STX11: variants seen among roughly 807,000 people sequenced by gnomAD.
STX11 encodes the protein syntaxin 11, also known as syntaxin-11.
STX11 carries 21 observed loss-of-function variants against 19.9 expected under a neutral mutation model. The ratio of observed to expected loss-of-function variants is 1.06; its 90% CI spans 0.75 to 1.52. The LOEUF (loss-of-function observed/expected upper bound fraction) is 1.52. Among genes scored for constraint, STX11 ranks in the 40% most tolerant of loss-of-function variants. The pLI, the probability that STX11 is intolerant of heterozygous loss-of-function variation, is 0.00. For synonymous variants in STX11, 193 were observed against 174.4 expected (o/e 1.11, Z -0.84); for missense variants, 438 against 405.9 (o/e 1.08, Z -0.68).
chr6:144,181,782 A>G (rs1801918343), intron 1 of STX11, among the ~76,000 whole-genome samples: 1 of 152,136 alleles, frequency 6.6e-6, no homozygotes, highest in Non-Finnish European at 1.5e-5. Flanking sequence ...ACCGAGGACC[A>G]CTGAGCTACC....
At chr6:144,140,209 C>CATAAATATAT in the STX11 span, among the ~76,000 whole-genome samples, 1 of 44,458 alleles carries the variant, frequency 2.2e-5, no homozygotes, top group African/African-American at 9.0e-5. Context: ...GGTCAATTCA[C>CATAAATATAT]ATATATATAT....
chr6:144,165,216 A>T lies in STX11; in HGVS notation c.-6+14513A>T, dbSNP rs1487410595. On this transcript the variant is annotated intron_variant, in intron 1 of 1. Coordinates refer to ENST00000367568, the MANE Select transcript of STX11 (RefSeq NM_003764.4). The surrounding 1 kb of genome is among the most constrained non-coding windows in gnomAD (Gnocchi z 5.8). The stretch of plus-strand genomic sequence containing the variant: ...ACGCCTGTAATCCCAGCACTTTGGG[A>T]GGCTGAGGCGGGCAGATCACCTGAG... Among the ~76,000 whole-genome samples, 1 of 151,894 alleles carries T rather than the reference A, an allele frequency of 6.6e-6. No individual in the cohort carries two copies. Among genetic ancestry groups the T allele is most frequent in the Non-Finnish European group, 1.5e-5 (1 of 67,954 alleles).
chr6:144,180,958 G>T lies in STX11; in HGVS notation c.-5-5665G>T, dbSNP rs1801898029. Among the ~76,000 whole-genome samples, 1 of 152,168 alleles carries T rather than the reference G, an allele frequency of 6.6e-6. No individual in the cohort carries two copies. The highest frequency in any genetic ancestry group is 2.4e-5 in the African/African-American group (1 of 41,424). ...ACCTGAGGGTGCCTCATCATAGTAAGCTCAGTCTTCAATTTTATTCATACT... is the reference window on the plus strand; with the variant it reads ...ACCTGAGGGTGCCTCATCATAGTAATCTCAGTCTTCAATTTTATTCATACT... On this transcript the variant is annotated intron_variant, in intron 1 of 1. Transcript: ENST00000367568. This position sits in a 1 kb window ranked among gnomAD's most constrained non-coding sequence, Gnocchi z 5.3.
At position 144,186,651 on chromosome 6, in the gene STX11, T is replaced by C; in HGVS notation, c.24T>C (p.Leu8=). The change falls in exon 2 of 2, where the codon CTT becomes CTC. Residue 8 remains leucine, a synonymous_variant. Coordinates refer to ENST00000367568, the MANE Select transcript of STX11 (RefSeq NM_003764.4). ...AAATGAAAGACCGGCTAGCAGAACTTCTGGACTTGTCCAAGCAATATGACC... is the reference window on the plus strand; with the variant it reads ...AAATGAAAGACCGGCTAGCAGAACTCCTGGACTTGTCCAAGCAATATGACC... MKDRLAE[L]LDLSKQYDQQ... 1 of 1,612,756 alleles carries C rather than the reference T, an allele frequency of 6.2e-7. No individual in the cohort carries two copies. Among genetic ancestry groups the C allele is most frequent in the Non-Finnish European group, 8.5e-7 (1 of 1,178,792 alleles).
In STX11 at chr6:144,190,942, C is replaced by T. The variant is rs1223717544; in HGVS notation, c.*3451C>T. 6.6e-6 allele frequency among the ~76,000 whole-genome samples: 1 copy of T among 152,056 alleles called. No individual in the cohort carries two copies. The highest frequency in any genetic ancestry group is 2.4e-5 in the African/African-American group (1 of 41,400). ...TTAAGAAATTGTGTTCTAGTGCCAC[C>T]AAGAGATGCTGTAGAGCTGGCTTTA... On this transcript the variant is annotated 3_prime_UTR_variant, in exon 2 of 2. Coordinates refer to ENST00000367568, the MANE Select transcript of STX11 (RefSeq NM_003764.4).
the STX11 span, chr6:144,140,823 G>A: frequency 8.3e-4 from 812 of 983,868 alleles, 12 homozygotes; most frequent in East Asian, 0.045. Context: ...AGGCTTCTTG[G>A]CATGGAAGTA....
chr6:144,145,706 CATAGAA>C (rs1197917507), upstream of STX11, among the ~76,000 whole-genome samples: 1 of 152,042 alleles, frequency 6.6e-6, no homozygotes, highest in African/African-American at 2.4e-5. Flanking sequence ...ACACTGAACT[CATAGAA>C]GTAGAAGTAG....
rs968998252 is a variant in STX11, at chr6:144,150,532, G to A, written c.-177G>A. 3.0e-6 allele frequency: 3 copies of A among 985,284 alleles called. No homozygotes were observed. Among genetic ancestry groups the A allele is most frequent in the Non-Finnish European group, 3.6e-6 (3 of 829,970 alleles). The allele number at this position is 985,284 out of a possible 1,614,324, so 61.0% of individuals were successfully genotyped here. A position where few individuals can be genotyped will look rare whatever the true frequency, so the allele number is the denominator to read the frequency against. The stretch of plus-strand genomic sequence containing the variant: ...GGCGGCGCCCAGATGCGGCCGCGGC[G>A]GCGCGGAGCTCGGGCGGCCGTGGAG... On this transcript the variant is annotated 5_prime_UTR_variant, in exon 1 of 2. Transcript: ENST00000367568.
In STX11 at chr6:144,150,584, C is replaced by G. The variant is rs1055093473; in HGVS notation, c.-125C>G. 1.7e-4 allele frequency: 163 copies of G among 985,426 alleles called. No individual in the cohort carries two copies. Among genetic ancestry groups the G allele is most frequent in the Non-Finnish European group, 1.7e-4 (139 of 829,934 alleles). The allele number at this position is 985,426 out of a possible 1,614,324, so 61.0% of individuals were successfully genotyped here. On this transcript the variant is annotated 5_prime_UTR_variant, in exon 1 of 2. Transcript: ENST00000367568. ...AACTCAGCCTCGGCCGCAGGAGGCG[C>G]CGGGAGCGGAGCCGCCGGGAGTCGC...
chr6:144,189,335 A>G lies in STX11; in HGVS notation c.*1844A>G, dbSNP rs534639724. ...CTGACCCTGGCCAAATTTTTTTTCT[A>G]CTAGCTACTGAGGCTGCCACATCTG... On this transcript the variant is annotated 3_prime_UTR_variant, in exon 2 of 2. Transcript: ENST00000367568. Among the ~76,000 whole-genome samples, 3 of 152,286 alleles carry G rather than the reference A, an allele frequency of 2.0e-5. No homozygotes were observed. Among genetic ancestry groups the G allele is most frequent in the Non-Finnish European group, 2.9e-5 (2 of 68,014 alleles).
At chr6:144,156,508 A>T (rs2128747696) in intron 1 of STX11, among the ~76,000 whole-genome samples, 1 of 152,326 alleles carries the variant, frequency 6.6e-6, no homozygotes, top group East Asian at 1.9e-4. Context: ...CTCCTTGCAT[A>T]ACTTATTGTG....
At chr6:144,143,716 C>T in the STX11 span, among the ~76,000 whole-genome samples, 10 of 152,170 alleles carry the variant, frequency 6.6e-5, no homozygotes, top group African/African-American at 1.9e-4. Context: ...AGTCAGAGAA[C>T]GGGTGGGAGG....
At chr6:144,145,422 A>C in the STX11 span, among the ~76,000 whole-genome samples, 1 of 152,236 alleles carries the variant, frequency 6.6e-6, no homozygotes, top group African/African-American at 2.4e-5. Context: ...TCCAAAGGAA[A>C]TGAAATTAGT....
Position 144,159,706 on chromosome 6 carries a change from T to C in STX11, c.-6+9003T>C, listed in dbSNP as rs1246330057. ...ATATGTAATATACAGTGGAAGAAAA[T>C]AAATGTAAAGCTCTGAAAATCATGA... On this transcript the variant is annotated intron_variant, in intron 1 of 1. Transcript: ENST00000367568. This position sits in a 1 kb window ranked among gnomAD's most constrained non-coding sequence, Gnocchi z 4.3. Among the ~76,000 whole-genome samples the C allele has an allele frequency of 6.6e-6, 1 of 152,146 alleles. No homozygotes were observed. The highest frequency in any genetic ancestry group is 6.5e-5 in the Admixed American group (1 of 15,272).
In STX11 at chr6:144,189,043, A is replaced by C. The variant is rs935807646; in HGVS notation, c.*1552A>C. On this transcript the variant is annotated 3_prime_UTR_variant, in exon 2 of 2. Coordinates refer to ENST00000367568, the MANE Select transcript of STX11 (RefSeq NM_003764.4). ...GCCTGGCCTTTTTTCCCCCCTTTTG[A>C]GACAGGGTCTCCCTTTGTCACCCAG... Among the ~76,000 whole-genome samples, 1 of 151,008 alleles carries C rather than the reference A, an allele frequency of 6.6e-6. No homozygotes were observed. Among genetic ancestry groups the C allele is most frequent in the Non-Finnish European group, 1.5e-5 (1 of 67,816 alleles).
In STX11 at chr6:144,187,025, A is replaced by T; in HGVS notation, c.398A>T (p.Asn133Ile). Reference protein sequence around the residue: ...AVARISRAQYNALTLTFQRAM... With the variant: ...AVARISRAQYIALTLTFQRAM... The stretch of plus-strand genomic sequence containing the variant: ...GCGCGCATTTCGCGGGCGCAGTACA[A>T]CGCGCTCACCCTCACCTTCCAGCGC... Residue 133 changes from asparagine (N) to isoleucine (I), a missense_variant, in exon 2 of 2, where the codon AAC (asparagine) becomes ATC (isoleucine). Asn to Ile is a moderately radical substitution (Grantham distance 149). Coordinates refer to ENST00000367568, the MANE Select transcript of STX11 (RefSeq NM_003764.4). The surrounding 1 kb of genome is among the most constrained non-coding windows in gnomAD (Gnocchi z 5.6). 1 of 1,612,170 alleles carries T rather than the reference A, an allele frequency of 6.2e-7. No individual in the cohort carries two copies. Among genetic ancestry groups the T allele is most frequent in the South Asian group, 1.1e-5 (1 of 91,074 alleles).
Position 144,183,964 on chromosome 6 carries a change from T to C in STX11, c.-5-2659T>C, listed in dbSNP as rs755843435. The stretch of plus-strand genomic sequence containing the variant: ...GTTCTCATTGTTCACCTCCCACTTA[T>C]AAGTGAGAACATGCAGTGTTTGGTT... On this transcript the variant is annotated intron_variant, in intron 1 of 1. Transcript: ENST00000367568. This position sits in a 1 kb window ranked among gnomAD's most constrained non-coding sequence, Gnocchi z 4.6. 5.3e-5 allele frequency among the ~76,000 whole-genome samples: 8 copies of C among 152,176 alleles called. No homozygotes were observed. The highest frequency in any genetic ancestry group is 7.3e-5 in the Non-Finnish European group (5 of 68,036).
rs1221139662 is a variant in STX11, at chr6:144,153,531, C to T, written c.-6+2828C>T. On this transcript the variant is annotated intron_variant, in intron 1 of 1. Coordinates refer to ENST00000367568, the MANE Select transcript of STX11 (RefSeq NM_003764.4). This position sits in a 1 kb window ranked among gnomAD's most constrained non-coding sequence, Gnocchi z 5.0. ...GACAGGAAGGGCCAGATCACAAAGG[C>T]CCCATGAGGGTTTAATAGTACTGAA... Among the ~76,000 whole-genome samples the T allele has an allele frequency of 1.3e-5, 2 of 152,130 alleles. No homozygotes were observed. Among genetic ancestry groups the T allele is most frequent in the African/African-American group, 2.4e-5 (1 of 41,416 alleles).
At position 144,187,808 on chromosome 6, in the gene STX11, ATGTC is replaced by A. The variant is rs900417881; in HGVS notation, c.*320_*323del. The A allele has an allele frequency of 1.7e-5, 8 of 478,972 alleles. No individual in the cohort carries two copies. Among genetic ancestry groups the A allele is most frequent in the Non-Finnish European group, 2.3e-5 (6 of 256,538 alleles). 29.7% of individuals were successfully genotyped at this position (478,972 alleles called of 1,614,324 possible). ...GAAGTTGTATCTGACTGTAGGGTGA[ATGTC>A]TGAGGCCTGCCTCCTAATAAAGACT... On this transcript the variant is annotated 3_prime_UTR_variant, in exon 2 of 2. Transcript: ENST00000367568. This position sits in a 1 kb window ranked among gnomAD's most constrained non-coding sequence, Gnocchi z 5.6.
Sources: allele counts gnomAD v4.1 joint callset (sites outside exome capture counted in the v4.1 genomes callset), GRCh38; gene constraint gnomAD v4.1.1; non-coding constraint Gnocchi (gnomAD v3.1); transcripts MANE v1.5; gene names NCBI Gene and HGNC (gene_info 2026-07-23, HGNC 2026-07-21).